Variants in ZNF578 observed in about 807,000 individuals in gnomAD.
The protein encoded by ZNF578 is zinc finger protein 578, also known as Putative chemokine-related protein B42.
In ZNF578, 8 loss-of-function variants were observed where a neutral mutation model predicts 8.3. That is an observed-to-expected ratio of 0.96 (90% CI 0.56 to 1.74). The LOEUF (loss-of-function observed/expected upper bound fraction) is 1.74, where lower values mean the gene tolerates loss of function less well. Among genes scored for constraint, ZNF578 ranks in the 40% most tolerant of loss-of-function variants. The probability of loss-of-function intolerance (pLI) is 0.00; values close to 1 mark genes in which losing one functional copy is unlikely to be tolerated. For synonymous variants in ZNF578, 206 were observed against 232.2 expected (o/e 0.89, Z 1.03); for missense variants, 726 against 707.5 (o/e 1.03, Z -0.30).
intron 2 of ZNF578, among the ~76,000 whole-genome samples, chr19:52,484,949 T>A (rs1451213789): frequency 1.4e-5 from 2 of 141,828 alleles, no homozygotes; most frequent in Admixed American, 1.4e-4. Flanking sequence ...TCACAAAATT[T>A]CATGCGCATC....
At chr19:52,504,577 T>G (rs1480591910) in intron 4 of ZNF578, 78 bp from the exon 5 acceptor site, 8 of 1,599,054 alleles carry the variant, frequency 5.0e-6, no homozygotes, top group Non-Finnish European at 6.0e-6. Context: ...AAATACTTAT[T>G]TTCTCTTTTC....
chr19:52,474,350 T>C (rs2090492799), intron 2 of ZNF578: 4 of 290,392 alleles, frequency 1.4e-5, no homozygotes, highest in African/African-American at 2.2e-5. Flanking sequence ...AATTATCCAA[T>C]GTTCTATAAA....
intron 3 of ZNF578, among the ~76,000 whole-genome samples, chr19:52,495,615 C>A (rs2059383186): frequency 6.6e-6 from 1 of 151,958 alleles, no homozygotes; most frequent in African/African-American, 2.4e-5. Flanking sequence ...ACCCTGAGTG[C>A]AGATGAGCGG....
intron 2 of ZNF578, chr19:52,475,306 C>T (rs1327168280): frequency 1.8e-5 from 4 of 217,388 alleles, no homozygotes; most frequent in Non-Finnish European, 2.9e-5. Context: ...CATTTATTAA[C>T]GTGAGTTTTC....
intron 3 of ZNF578, among the ~76,000 whole-genome samples, chr19:52,498,683 G>GTTTTTTTTTTT (rs1568464235): frequency 4.9e-5 from 3 of 61,702 alleles, no homozygotes; most frequent in Admixed American, 1.8e-4. Flanking sequence ...TCGCCTGGCC[G>GTTTTTTTTTTT]CTTTTTTTTT....
At chr19:52,491,079 C>G (rs920026000) in intron 2 of ZNF578, among the ~76,000 whole-genome samples, 11 of 152,112 alleles carry the variant, frequency 7.2e-5, no homozygotes, top group African/African-American at 2.7e-4. Context: ...TAGGCTTACA[C>G]ATGTTTGTGC....
intron 2 of ZNF578, chr19:52,473,917 A>C (rs749744369): frequency 6.3e-6 from 2 of 316,812 alleles, no homozygotes; most frequent in South Asian, 4.1e-5. Context: ...TCTCTTCCAT[A>C]TGAATTATCC....
At chr19:52,468,294 A>T (rs1399363460) in intron 2 of ZNF578, among the ~76,000 whole-genome samples, 10 of 152,204 alleles carry the variant, frequency 6.6e-5, no homozygotes, top group Non-Finnish European at 1.3e-4. Context: ...AAATTATATT[A>T]TGTAAATAAA....
chr19:52,504,501 C>G (rs1183039248), intron 4 of ZNF578, among the ~76,000 whole-genome samples, 154 bp from the exon 5 acceptor site: 1 of 152,086 alleles, frequency 6.6e-6, no homozygotes, highest in African/African-American at 2.4e-5. Flanking sequence ...TAAAATGCAA[C>G]TATTGAGAAA....
At position 52,511,343 on chromosome 19, in the gene ZNF578, G is replaced by A. The variant is rs1599919439; in HGVS notation, c.962G>A (p.Gly321Glu). The A allele has an allele frequency of 6.2e-7, 1 of 1,614,078 alleles. No individual in the cohort carries two copies. The highest frequency in any genetic ancestry group is 1.1e-5 in the South Asian group (1 of 91,080). ...AAACCTTACAAGTGTAATGAATGTGGAAAGTCCTTCAGTTACAAGTCATCC... is the reference window on the plus strand; with the variant it reads ...AAACCTTACAAGTGTAATGAATGTGAAAAGTCCTTCAGTTACAAGTCATCC... Reference protein sequence around the residue: ...GEKPYKCNECGKSFSYKSSLT... With the variant: ...GEKPYKCNECEKSFSYKSSLT... Residue 321 changes from glycine to glutamate, a missense_variant, in exon 6 of 6, where the codon GGA becomes GAA. Transcript: ENST00000421239.
chr19:52,511,913 A>G lies in ZNF578; in HGVS notation c.1532A>G (p.Tyr511Cys). The G allele has an allele frequency of 6.2e-7, 1 of 1,613,950 alleles. No homozygotes were observed. The highest frequency in any genetic ancestry group is 8.5e-7 in the Non-Finnish European group (1 of 1,179,946). ...AGACTTCATAGTGGTGAGAAACCTTACAAGTGTAATGAATGTGGGAAGACT... is the reference window on the plus strand; with the variant it reads ...AGACTTCATAGTGGTGAGAAACCTTGCAAGTGTAATGAATGTGGGAAGACT... ...HRRLHSGEKP[Y>C]KCNECGKTFN... is the part of the protein sequence containing the mutation. Residue 511 changes from tyrosine (Y) to cysteine (C), a missense_variant, in exon 6 of 6, where the codon TAC (tyrosine) becomes TGC (cysteine). By Grantham distance (194) the Tyr-to-Cys change is radical. Transcript: ENST00000421239.
chr19:52,498,684 C>CTTTTTTTTTTTTTT lies in ZNF578; in HGVS notation c.-19-3139_-19-3126dup, dbSNP rs72019256. 2.0e-3 allele frequency among the ~76,000 whole-genome samples: 217 copies of CTTTTTTTTTTTTTT among 106,798 alleles called. 19 individuals are homozygous for CTTTTTTTTTTTTTT. Among genetic ancestry groups the CTTTTTTTTTTTTTT allele is most frequent in the African/African-American group, 5.8e-3 (142 of 24,590 alleles). 70.1% of individuals were successfully genotyped at this position (106,798 alleles called of 152,430 possible). On this transcript the variant is annotated intron_variant, in intron 3 of 5. Transcript: ENST00000421239. ...AGGAATGAGCCACCTCGCCTGGCCG[C>CTTTTTTTTTTTTTT]TTTTTTTTTTTTTTTTTGTAAGACA... is the stretch of plus-strand genomic sequence containing the variant.
At position 52,515,474 on chromosome 19, in the gene ZNF578, G is replaced by C. The variant is rs577331761; in HGVS notation, c.*3320G>C. Among the ~76,000 whole-genome samples the C allele has an allele frequency of 6.6e-5, 10 of 152,242 alleles. No individual in the cohort carries two copies. The South Asian group carries it at 1.9e-3, about 28-fold the overall frequency. On this transcript the variant is annotated 3_prime_UTR_variant, in exon 6 of 6. Transcript: ENST00000421239. ...TTCTTTAGCCCAGGTTTGTGAAAGA[G>C]GTTTCTCTAATTTTCAAGGATGGGG...
chr19:52,468,311 A>G (rs1391972814), intron 2 of ZNF578, among the ~76,000 whole-genome samples: 2 of 152,190 alleles, frequency 1.3e-5, no homozygotes, highest in African/African-American at 2.4e-5. Flanking sequence ...TAAACACTTC[A>G]CAATAATTTT....
chr19:52,501,623 G>GC (rs1367272264), intron 3 of ZNF578, among the ~76,000 whole-genome samples: 3 of 119,936 alleles, frequency 2.5e-5, no homozygotes, highest in South Asian at 2.5e-4. Context: ...TGCTCCAGGA[G>GC]GGGGGCGAGA....
chr19:52,502,088 A>T (rs2059410003), intron 4 of ZNF578, among the ~76,000 whole-genome samples, 180 bp downstream of exon 4: 1 of 152,198 alleles, frequency 6.6e-6, no homozygotes, highest in Non-Finnish European at 1.5e-5. Context: ...TTTGCTCAAA[A>T]GAATTCCATC....
At chr19:52,473,665 A>G (rs2059299073) in intron 2 of ZNF578, 2 of 211,160 alleles carry the variant, frequency 9.5e-6, no homozygotes, top group Admixed American at 1.1e-4. Context: ...TCTCTCCAGT[A>G]TGAATTCTCT....
rs324110 is a variant in ZNF578, at chr19:52,460,725, C to T, written c.-122+3767C>T. On this transcript the variant is annotated intron_variant, in intron 2 of 5. Coordinates refer to ENST00000421239, the MANE Select transcript of ZNF578 (RefSeq NM_001099694.2). Reference sequence around the variant, plus strand: ...AGTAAATCCTTTCCAAAATCAGTGTCGTAAGGTTTTCTTCTATCCTAGTTT... The same window carrying T: ...AGTAAATCCTTTCCAAAATCAGTGTTGTAAGGTTTTCTTCTATCCTAGTTT... 1.7e-3 allele frequency among the ~76,000 whole-genome samples: 262 copies of T among 152,152 alleles called. 1 individual carries two copies. The highest frequency in any genetic ancestry group is 5.7e-3 in the African/African-American group (236 of 41,518).
rs61571372 is a variant in ZNF578 at position 52,491,689 on chromosome 19, T to TG, written c.-20+267dup. On this transcript the variant is annotated intron_variant, in intron 3 of 5. Coordinates refer to ENST00000421239, the MANE Select transcript of ZNF578 (RefSeq NM_001099694.2). Reference sequence around the variant, plus strand: ...ACGATCTCGCAACTGCACCCCAGCATGGGCCACAGAGAAATACTGTCTTAA... The same window carrying TG: ...ACGATCTCGCAACTGCACCCCAGCATGGGGCCACAGAGAAATACTGTCTTAA... Among the ~76,000 whole-genome samples, 778 of 151,970 alleles carry TG rather than the reference T, an allele frequency of 5.1e-3. 7 individuals carry two copies. The highest frequency in any genetic ancestry group is 0.018 in the African/African-American group (741 of 41,432).
Sources: allele counts gnomAD v4.1 joint callset (sites outside exome capture counted in the v4.1 genomes callset), GRCh38; gene constraint gnomAD v4.1.1; transcripts MANE v1.5; gene names NCBI Gene and HGNC (gene_info 2026-07-23, HGNC 2026-07-21).